HERC3: variants seen among roughly 807,000 people sequenced by gnomAD.
The protein encoded by HERC3 is HECT and RLD domain containing E3 ubiquitin protein ligase 3.
Under a neutral mutation model 129.9 loss-of-function variants are expected in HERC3, and 58 were observed. That is an observed-to-expected ratio of 0.45 (90% CI 0.36 to 0.56). The LOEUF (loss-of-function observed/expected upper bound fraction) is 0.56, where lower values mean the gene tolerates loss of function less well. Ranked by LOEUF, HERC3 falls within the 20% of genes least tolerant of loss-of-function variation. The pLI, the probability that HERC3 is intolerant of heterozygous loss-of-function variation, is 0.00. For synonymous variants in HERC3, 430 were observed against 451.0 expected, an observed-to-expected ratio of 0.95 and a Z score of 0.59; for missense variants, 835 against 1,244.2, an observed-to-expected ratio of 0.67 and a Z score of 4.95.
At chr4:88,623,513 C>T (rs1248182347) in intron 3 of HERC3, among the ~76,000 whole-genome samples, 7 of 152,180 alleles carry the variant, frequency 4.6e-5, no homozygotes, top group Admixed American at 3.9e-4. Context: ...TTGGATATTA[C>T]CTCTTCCAAG....
At chr4:88,681,978 C>A (rs1357226797) in intron 21 of HERC3, among the ~76,000 whole-genome samples, 1 of 152,154 alleles carries the variant, frequency 6.6e-6, no homozygotes, top group Non-Finnish European at 1.5e-5. Context: ...TTTTGATTGG[C>A]CTTTGGTTGA....
chr4:88,686,162 G>A (rs1301630589), intron 21 of HERC3, among the ~76,000 whole-genome samples: 1 of 151,966 alleles, frequency 6.6e-6, no homozygotes, highest in Non-Finnish European at 1.5e-5. Context: ...AAAAAAATTA[G>A]TGTGAGTGTA....
intron 23 of HERC3, chr4:88,697,105 T>A: frequency 8.9e-7 from 1 of 1,125,836 alleles, no homozygotes; most frequent in Non-Finnish European, 1.2e-6. Flanking sequence ...CATTGTATTT[T>A]GGTCAAAAAC....
chr4:88,578,223 CACA>C, the HERC3 span, among the ~76,000 whole-genome samples: 1 of 152,074 alleles, frequency 6.6e-6, no homozygotes, highest in African/African-American at 2.4e-5. Flanking sequence ...TTATCATCAC[CACA>C]ACAATAGTGA....
chr4:88,568,768 G>A, the HERC3 span, among the ~76,000 whole-genome samples: 24,573 of 151,684 alleles, frequency 0.16, 4,380 homozygotes, highest in African/African-American at 0.45. Context: ...GGGAGCTAGT[G>A]CCTGGAATGG....
At position 88,634,016 on chromosome 4, in the gene HERC3, G is replaced by A. The variant is rs975960772; in HGVS notation, c.227-15824G>A. Among the ~76,000 whole-genome samples, 11 of 152,086 alleles carry A rather than the reference G, an allele frequency of 7.2e-5. No homozygotes were observed. In the South Asian group the frequency reaches 1.0e-3, roughly 14 times the overall value. On this transcript the variant is annotated intron_variant, in intron 3 of 25. Coordinates refer to ENST00000402738, the MANE Select transcript of HERC3 (RefSeq NM_014606.3). ...CAAAACAGTGTATTAATCTTGCACC[G>A]GCAACCAAGATATCCAGGTTTGGTC...
chr4:88,702,620 G>A (rs1272762911), intron 23 of HERC3, among the ~76,000 whole-genome samples: 1 of 152,098 alleles, frequency 6.6e-6, no homozygotes, highest in East Asian at 1.9e-4. Flanking sequence ...TCTTTTCCTT[G>A]TCCATGTTCA....
At position 88,605,868 on chromosome 4, in the gene HERC3, C is replaced by T; in HGVS notation, c.45C>T (p.Ser15=). 4 of 1,614,198 alleles carry T rather than the reference C, an allele frequency of 2.5e-6. No homozygotes were observed. The highest frequency in any genetic ancestry group is 3.4e-6 in the Non-Finnish European group (4 of 1,180,036). The change falls in exon 3 of 26, where the codon AGC becomes AGT. Residue 15 remains serine (S), a synonymous_variant. Coordinates refer to ENST00000402738, the MANE Select transcript of HERC3 (RefSeq NM_014606.3). Reference sequence around the variant, plus strand: ...GGTCTCTGGGCCAACCTGGTATCAGCACCAACCTGCAGGGAATTGTGGCTG... The same window carrying T: ...GGTCTCTGGGCCAACCTGGTATCAGTACCAACCTGCAGGGAATTGTGGCTG... ...GYWSLGQPGI[S]TNLQGIVAEP... is the part of the protein sequence containing the mutation.
At chr4:88,644,930 C>T (rs1728529735) in intron 3 of HERC3, among the ~76,000 whole-genome samples, 1 of 151,942 alleles carries the variant, frequency 6.6e-6, no homozygotes, top group Non-Finnish European at 1.5e-5. Flanking sequence ...CTTTCAGATA[C>T]AGGAACAAAC....
chr4:88,703,922 G>A (rs1735543987), intron 23 of HERC3, among the ~76,000 whole-genome samples, 176 bp from the exon 24 acceptor site: 1 of 152,134 alleles, frequency 6.6e-6, no homozygotes, highest in African/African-American at 2.4e-5. Context: ...GTTAGGGCTG[G>A]GGATGGAGAG....
chr4:88,699,013 C>T (rs1735011851), intron 23 of HERC3, among the ~76,000 whole-genome samples: 1 of 112,764 alleles, frequency 8.9e-6, no homozygotes, highest in Non-Finnish European at 1.7e-5. Flanking sequence ...TCACCCTCTT[C>T]TTCCTCACCC....
At chr4:88,649,800 C>G in intron 3 of HERC3, 40 bp from the exon 4 acceptor site, 1 of 1,588,194 alleles carries the variant, frequency 6.3e-7, no homozygotes, top group Non-Finnish European at 8.6e-7. Flanking sequence ...ATTCCTGTTT[C>G]TGGGTTGTAC....
At chr4:88,545,430 C>CT in the HERC3 span, among the ~76,000 whole-genome samples, 23,283 of 110,368 alleles carry the variant, frequency 0.21, 4,330 homozygotes, top group African/African-American at 0.49. Flanking sequence ...TTTGAGAATT[C>CT]TTTTTTTTTT....
chr4:88,704,863 C>CTTTCTTTTTTTTTT lies in HERC3; in HGVS notation c.2944+256_2944+257insCTTTTTTTTTTTTT, dbSNP rs1336673525. ...TCACTGATTTTTCTTTTCTTTCTTT[C>CTTTCTTTTTTTTTT]TTTTTTTTTTTTTTTGAGACAGAGT... On this transcript the variant is annotated intron_variant, in intron 25 of 25. Transcript: ENST00000402738. Among the ~76,000 whole-genome samples, 145 of 130,628 alleles carry CTTTCTTTTTTTTTT rather than the reference C, an allele frequency of 1.1e-3. 5 individuals are homozygous for CTTTCTTTTTTTTTT. The highest frequency in any genetic ancestry group is 2.9e-3 in the African/African-American group (98 of 33,374). The allele number at this position is 130,628 out of a possible 152,430, so 85.7% of individuals were successfully genotyped here. A position where few individuals can be genotyped will look rare whatever the true frequency, so the allele number is the denominator to read the frequency against.
intron 3 of HERC3, among the ~76,000 whole-genome samples, chr4:88,631,943 A>C (rs1726814131): frequency 6.6e-6 from 1 of 152,254 alleles, no homozygotes; most frequent in Non-Finnish European, 1.5e-5. Context: ...TCTGAAAAAC[A>C]AATAGTGGCA....
chr4:88,690,590 A>G, intron 23 of HERC3: 1 of 985,374 alleles, frequency 1.0e-6, no homozygotes, highest in Non-Finnish European at 1.2e-6. Context: ...TGTGAGTATG[A>G]TACAGTGGCT....
chr4:88,531,604 CT>C, the HERC3 span, among the ~76,000 whole-genome samples: 3 of 152,170 alleles, frequency 2.0e-5, no homozygotes, highest in Non-Finnish European at 4.4e-5. Context: ...TGAAGATGAG[CT>C]GTTGCTCTCT....
At chr4:88,680,745 A>G (rs952988167) in intron 20 of HERC3, among the ~76,000 whole-genome samples, 1 of 152,238 alleles carries the variant, frequency 6.6e-6, no homozygotes, top group Non-Finnish European at 1.5e-5. Context: ...CACTAGCCAC[A>G]TGTGGTTATT....
chr4:88,571,745 G>C, the HERC3 span, among the ~76,000 whole-genome samples: 1 of 152,100 alleles, frequency 6.6e-6, no homozygotes, highest in Non-Finnish European at 1.5e-5. Context: ...TATATTTGTG[G>C]TATAATCTGA....
Sources: allele counts gnomAD v4.1 joint callset (sites outside exome capture counted in the v4.1 genomes callset), GRCh38; gene constraint gnomAD v4.1.1; transcripts MANE v1.5; gene names NCBI Gene and HGNC (gene_info 2026-07-23, HGNC 2026-07-21).